Variants in ACOXL observed in about 807,000 individuals in gnomAD.
ACOXL encodes acyl-CoA oxidase like.
ACOXL carries 70 observed loss-of-function variants against 71.9 expected under a neutral mutation model. The observed-to-expected ratio is 0.97, with a 90% CI of 0.80 to 1.19. The LOEUF is 1.19. Among genes scored for constraint, ACOXL ranks in the 50% most tolerant of loss-of-function variants. The pLI, the probability that ACOXL is intolerant of heterozygous loss-of-function variation, is 0.00. For missense variants in ACOXL, 703 were observed against 736.3 expected, an observed-to-expected ratio of 0.95 and a Z score of 0.52; for synonymous variants, 253 against 281.6, an observed-to-expected ratio of 0.90 and a Z score of 1.02.
At chr2:111,090,276 C>T (rs1223325489) in intron 16 of ACOXL, among the ~76,000 whole-genome samples, 2 of 152,076 alleles carry the variant, frequency 1.3e-5, no homozygotes, top group Non-Finnish European at 2.9e-5. Flanking sequence ...AGAAGTGGCT[C>T]CAGACACAAT....
chr2:111,001,080 C>T (rs139853046), intron 14 of ACOXL, among the ~76,000 whole-genome samples: 15 of 152,324 alleles, frequency 9.8e-5, no homozygotes, highest in Non-Finnish European at 1.8e-4. Context: ...AGTCTTAAGT[C>T]ATGCAAAAGG....
At chr2:111,106,613 C>T (rs2069556232) in intron 17 of ACOXL, among the ~76,000 whole-genome samples, 1 of 152,176 alleles carries the variant, frequency 6.6e-6, no homozygotes, top group South Asian at 2.1e-4. Context: ...GAAACATGAA[C>T]ATCTTGGCTA....
At chr2:111,078,674 A>G (rs377551067) in intron 16 of ACOXL, among the ~76,000 whole-genome samples, 1 of 152,250 alleles carries the variant, frequency 6.6e-6, no homozygotes, top group Non-Finnish European at 1.5e-5. Flanking sequence ...CTTTTGCCAG[A>G]TAATTCTAAC....
chr2:110,997,512 A>G (rs1407215738), intron 14 of ACOXL, among the ~76,000 whole-genome samples: 1 of 152,224 alleles, frequency 6.6e-6, no homozygotes, highest in Non-Finnish European at 1.5e-5. Context: ...TCTAAAGAGG[A>G]AACTTCATGA....
At chr2:111,075,395 A>G (rs185977952) in intron 16 of ACOXL, among the ~76,000 whole-genome samples, 2 of 151,916 alleles carry the variant, frequency 1.3e-5, no homozygotes, top group Admixed American at 1.3e-4. Flanking sequence ...ATAGTGTTTT[A>G]TTTTATCCTT....
chr2:110,845,682 C>T (rs1480219952), intron 10 of ACOXL, among the ~76,000 whole-genome samples: 1 of 152,170 alleles, frequency 6.6e-6, no homozygotes, highest in African/African-American at 2.4e-5. Flanking sequence ...TGGAATAATA[C>T]AGCATTTGCC....
At chr2:110,774,762 T>G (rs1041291633) in intron 2 of ACOXL, among the ~76,000 whole-genome samples, 2 of 152,200 alleles carry the variant, frequency 1.3e-5, no homozygotes, top group African/African-American at 4.8e-5. Context: ...ATCCACAGTT[T>G]CAGTGCAATT....
At chr2:110,888,700 T>G (rs1697606152) in intron 10 of ACOXL, among the ~76,000 whole-genome samples, 1 of 152,204 alleles carries the variant, frequency 6.6e-6, no homozygotes, top group Non-Finnish European at 1.5e-5. Flanking sequence ...TACTTTCCCA[T>G]TACTTGGGCT....
At chr2:110,902,179 C>T (rs1425116012) in intron 10 of ACOXL, among the ~76,000 whole-genome samples, 1 of 152,030 alleles carries the variant, frequency 6.6e-6, no homozygotes, top group Non-Finnish European at 1.5e-5. Context: ...CTTAAAAAAA[C>T]AAAAAACAGG....
intron 17 of ACOXL, among the ~76,000 whole-genome samples, chr2:111,102,988 C>T (rs2069276862): frequency 6.6e-6 from 1 of 152,104 alleles, no homozygotes; most frequent in Non-Finnish European, 1.5e-5. Flanking sequence ...ACTTAGTAAC[C>T]ATTAAAAGAT....
chr2:110,852,208 G>A (rs1054177752), intron 10 of ACOXL, among the ~76,000 whole-genome samples: 3 of 152,174 alleles, frequency 2.0e-5, no homozygotes, highest in Admixed American at 6.5e-5. Context: ...GCACCGTGTC[G>A]CCCTGGCCTG....
intron 10 of ACOXL, among the ~76,000 whole-genome samples, chr2:110,892,859 T>A (rs2149156481): frequency 6.6e-6 from 1 of 152,284 alleles, no homozygotes; most frequent in Admixed American, 6.5e-5. Flanking sequence ...GAAGAGGGAA[T>A]GGCTATTTTA....
At chr2:110,847,007 T>C (rs1691984396) in intron 10 of ACOXL, among the ~76,000 whole-genome samples, 1 of 152,182 alleles carries the variant, frequency 6.6e-6, no homozygotes. Context: ...CAAGCCATTT[T>C]CACAGAGTGG....
intron 9 of ACOXL, among the ~76,000 whole-genome samples, chr2:110,834,844 T>A (rs1393315535): frequency 6.6e-6 from 1 of 152,204 alleles, no homozygotes; most frequent in Non-Finnish European, 1.5e-5. Flanking sequence ...AGATGGCAAC[T>A]CAGGACTCAC....
intron 12 of ACOXL, among the ~76,000 whole-genome samples, chr2:110,939,051 G>A (rs1321943382): frequency 6.6e-6 from 1 of 152,188 alleles, no homozygotes; most frequent in Non-Finnish European, 1.5e-5. Flanking sequence ...AGGGGAGCAT[G>A]AGAAATTATT....
chr2:110,784,858 C>T, intron 3 of ACOXL, 43 bp downstream of exon 3: 7 of 1,521,136 alleles, frequency 4.6e-6, no homozygotes, highest in Non-Finnish European at 6.2e-6. Context: ...TGCATGCTCG[C>T]TTTGCATGCC....
At chr2:110,980,236 C>T (rs2062643903) in intron 12 of ACOXL, among the ~76,000 whole-genome samples, 1 of 152,246 alleles carries the variant, frequency 6.6e-6, no homozygotes, top group African/African-American at 2.4e-5. Context: ...CAGCACCCAG[C>T]AGGGGCTCAA....
chr2:110,818,415 A>ATGTG (rs1559302917), intron 9 of ACOXL, among the ~76,000 whole-genome samples: 63 of 137,946 alleles, frequency 4.6e-4, no homozygotes, highest in African/African-American at 1.8e-3. Context: ...AAAAACATAT[A>ATGTG]TATATATATG....
intron 10 of ACOXL, among the ~76,000 whole-genome samples, chr2:110,853,247 G>A (rs1291234551): frequency 2.0e-5 from 3 of 152,164 alleles, no homozygotes; most frequent in Non-Finnish European, 2.9e-5. Flanking sequence ...TGGCAGCTAC[G>A]GTGGAGAGGC....
Sources: gnomAD v4.1 joint callset for allele counts (sites outside exome capture counted in the v4.1 genomes callset) on GRCh38, gnomAD v4.1.1 for gene constraint, MANE v1.5 for transcripts, NCBI Gene and HGNC (gene_info 2026-07-23, HGNC 2026-07-21) for gene names.